The following MYH3 variants were observed in gnomAD, a reference collection of about 807,000 sequenced individuals.
MYH3 encodes myosin-3.
In MYH3, 130 loss-of-function variants were observed where a neutral mutation model predicts 238.0. That is an observed-to-expected ratio of 0.55 (90% CI 0.47 to 0.63). MYH3 has a LOEUF of 0.63. MYH3 is among the 30% of genes least tolerant of loss of function. The pLI, the probability that MYH3 is intolerant of heterozygous loss-of-function variation, is 0.00. For synonymous variants in MYH3, 880 were observed against 924.1 expected (o/e 0.95, Z 0.86); for missense variants, 1,853 against 2,374.9 (o/e 0.78, Z 4.57).
rs1379408472 is a variant in MYH3 at position 10,648,650 on chromosome 17, C to T, written c.643-1G>A. 1 of 1,611,660 alleles carries T rather than the reference C, an allele frequency of 6.2e-7. No individual in the cohort carries two copies. The highest frequency in any genetic ancestry group is 1.3e-5 in the African/African-American group (1 of 74,746). On this transcript the variant is annotated splice_acceptor_variant, in intron 7 of 40. Transcript: ENST00000583535. LOFTEE classifies it high-confidence loss of function. ...TGATGATTTGATCTTCCAGAGTCCC[C>T]TAATGCAAGAAATTGAGGGAAGAAG...
intron 3 of MYH3, among the ~76,000 whole-genome samples, chr17:10,653,406 C>G (rs1341814836): frequency 6.6e-6 from 1 of 152,144 alleles, no homozygotes; most frequent in African/African-American, 2.4e-5. Flanking sequence ...CTGTCCAGCC[C>G]CCGGCCCACC....
intron 26 of MYH3, 35 bp from the exon 27 acceptor site, chr17:10,638,467 G>T (rs766662721): frequency 5.0e-6 from 8 of 1,599,212 alleles, no homozygotes; most frequent in Non-Finnish European, 6.8e-6. Context: ...GTGGGCAGTG[G>T]GTTCACCGCG....
rs1488865407 is a variant in MYH3 at position 10,652,568 on chromosome 17, A to G, written c.205-5T>C. 5.0e-6 allele frequency: 8 copies of G among 1,606,404 alleles called. No homozygotes were observed. Among genetic ancestry groups the G allele is most frequent in the Non-Finnish European group, 6.8e-6 (8 of 1,175,618 alleles). On this transcript the variant is annotated splice_polypyrimidine_tract_variant and splice_region_variant and intron_variant, in intron 3 of 40. Transcript: ENST00000583535. Reference sequence around the variant, plus strand: ...CTCTGGTTTGACCACCAGGGTCTAAAAAGGAAGAGGCACAGTGCTTCACTA... The same window carrying G: ...CTCTGGTTTGACCACCAGGGTCTAAGAAGGAAGAGGCACAGTGCTTCACTA...
intron 31 of MYH3, 76 bp downstream of exon 31, chr17:10,634,764 T>TA (rs2074197259): frequency 1.9e-6 from 3 of 1,575,562 alleles, no homozygotes; most frequent in Non-Finnish European, 2.6e-6. Context: ...AGGTCCGGGA[T>TA]GCATTCTCCT....
rs752726538 is a variant in MYH3, at chr17:10,634,877, G to A, written c.4319C>T (p.Ala1440Val). 6.2e-7 allele frequency: 1 copy of A among 1,614,108 alleles called. No homozygotes were observed. Among genetic ancestry groups the A allele is most frequent in the Non-Finnish European group, 8.5e-7 (1 of 1,180,028 alleles). The change falls in exon 31 of 41, where the codon GCC becomes GTC. Residue 1440 changes from alanine (A) to valine (V), a missense_variant. By Grantham distance (64) the Ala-to-Val change is moderately conservative. This residue lies in a region of MYH3 where 1,044 missense variants were observed against 1,192.6 expected (regional missense o/e 0.88). Transcript: ENST00000583535. ...CCTCTGCTTCTTGTCCAGAGCGGCG[G>A]CCAAGGAATTGGCTCTTTCAACATC... ...MVDVERANSL[A>V]AALDKKQRNF...
rs192917379 is a variant in MYH3, at chr17:10,641,988, T to C, written c.1959+252A>G. 7.6e-4 allele frequency among the ~76,000 whole-genome samples: 116 copies of C among 152,302 alleles called. 1 individual carries two copies. The highest frequency in any genetic ancestry group is 2.4e-3 in the African/African-American group (99 of 41,578). On this transcript the variant is annotated intron_variant, in intron 17 of 40. Transcript: ENST00000583535. ...CTATTGCTGGTGTCCTTTAGGAAAA[T>C]TGGAGAGTTTATGCTGGAAACTCGG...
At chr17:10,657,083 G>A (rs1356105146) in intron 1 of MYH3, among the ~76,000 whole-genome samples, 2 of 152,152 alleles carry the variant, frequency 1.3e-5, no homozygotes, top group African/African-American at 4.8e-5. Flanking sequence ...CTTGGGGGAG[G>A]TGCTGGAGCC....
chr17:10,638,009 G>C lies in MYH3; in HGVS notation c.3729+34C>G, dbSNP rs145482862. 3.4e-4 allele frequency: 546 copies of C among 1,614,046 alleles called. 3 individuals are homozygous for C. The African/African-American group carries it at 6.1e-3, about 18-fold the overall frequency. On this transcript the variant is annotated intron_variant, in intron 27 of 40. Transcript: ENST00000583535. The stretch of plus-strand genomic sequence containing the variant: ...CAATGACCACGGAGTGTGTCTGATG[G>C]AAAGCCTTGAGCCACCCCCACCCCG...
chr17:10,669,114 G>C, the MYH3 span, among the ~76,000 whole-genome samples: 2 of 152,158 alleles, frequency 1.3e-5, no homozygotes, highest in Non-Finnish European at 2.9e-5. Context: ...GCTGTGGGAA[G>C]ACCTCATGTC....
At chr17:10,633,948 C>T in intron 32 of MYH3, 69 bp downstream of exon 32, 1 of 1,585,630 alleles carries the variant, frequency 6.3e-7, no homozygotes, top group African/African-American at 1.3e-5. Flanking sequence ...GAAGCCACAC[C>T]CACGCCAGCA....
chr17:10,671,370 C>T, the MYH3 span, among the ~76,000 whole-genome samples: 1 of 152,094 alleles, frequency 6.6e-6, no homozygotes, highest in African/African-American at 2.4e-5. Flanking sequence ...CAAATTGCTA[C>T]CCAGAAAGAC....
chr17:10,660,034 TGA>T (rs1435221435), upstream of MYH3, among the ~76,000 whole-genome samples: 2 of 152,232 alleles, frequency 1.3e-5, no homozygotes, highest in Admixed American at 6.5e-5. Flanking sequence ...AGCATGGAGC[TGA>T]GAGTCCTACA....
chr17:10,665,067 G>A, the MYH3 span, among the ~76,000 whole-genome samples: 1 of 152,118 alleles, frequency 6.6e-6, no homozygotes, highest in Admixed American at 6.5e-5. Flanking sequence ...AAATATAGAA[G>A]AAAGGTGGCC....
chr17:10,634,517 A>T lies in MYH3; in HGVS notation c.4356+323T>A, dbSNP rs542362006. Among the ~76,000 whole-genome samples, 3 of 152,030 alleles carry T rather than the reference A, an allele frequency of 2.0e-5. No homozygotes were observed. The East Asian group carries it at 5.8e-4, about 29-fold the overall frequency. On this transcript the variant is annotated intron_variant, in intron 31 of 40. Coordinates refer to ENST00000583535, the MANE Select transcript of MYH3 (RefSeq NM_002470.4). Reference sequence around the variant, plus strand: ...AATCAACTTTATCTGCCATCTTGAAAGAAGGGCTTCCAGAAAGCCTCCCAA... The same window carrying T: ...AATCAACTTTATCTGCCATCTTGAATGAAGGGCTTCCAGAAAGCCTCCCAA...
At position 10,630,320 on chromosome 17, in the gene MYH3, C is replaced by T. The variant is rs750520481; in HGVS notation, c.5425G>A (p.Gly1809Arg). 9.3e-6 allele frequency: 15 copies of T among 1,614,190 alleles called. No individual in the cohort carries two copies. The highest frequency in any genetic ancestry group is 1.6e-4 in the Middle Eastern group (1 of 6,062). Residue 1809 changes from glycine to arginine, a missense_variant, in exon 37 of 41, where the codon GGG (glycine) becomes AGG (arginine). Transcript: ENST00000583535. ...TCCAGTTTCTGGATCTGCTTCTTCCCGCCCTTCAGCGCCAGCTGCTCGGCC... is the reference window on the plus strand; with the variant it reads ...TCCAGTTTCTGGATCTGCTTCTTCCTGCCCTTCAGCGCCAGCTGCTCGGCC... ...DEAEQLALKG[G>R]KKQIQKLETR...
chr17:10,664,083 AAAG>A, the MYH3 span, among the ~76,000 whole-genome samples: 1 of 150,166 alleles, frequency 6.7e-6, no homozygotes, highest in African/African-American at 2.4e-5. Flanking sequence ...AAAAAAAAAA[AAAG>A]GTCTAGTATG....
chr17:10,641,053 C>A, intron 19 of MYH3, 32 bp downstream of exon 19: 2 of 1,478,710 alleles, frequency 1.4e-6, no homozygotes, highest in Non-Finnish European at 1.9e-6. Flanking sequence ...TACATCTCAT[C>A]CCCAAGCATA....
chr17:10,643,299 G>A (rs999908428), intron 14 of MYH3, among the ~76,000 whole-genome samples: 1 of 151,994 alleles, frequency 6.6e-6, no homozygotes, highest in Non-Finnish European at 1.5e-5. Flanking sequence ...TAGACTACAA[G>A]CTCATCTGTT....
chr17:10,651,747 G>GTTTTT, intron 4 of MYH3, 79 bp from the exon 5 acceptor site: 27 of 744,744 alleles, frequency 3.6e-5, no homozygotes, highest in South Asian at 2.4e-4. Context: ...TATTATTATT[G>GTTTTT]TTTTTTTTTT....
Sources: gnomAD v4.1 joint callset for allele counts (sites outside exome capture counted in the v4.1 genomes callset) on GRCh38, gnomAD v4.1.1 for gene constraint, gnomAD v4.1.1 regional missense constraint, MANE v1.5 for transcripts, NCBI Gene and HGNC (gene_info 2026-07-23, HGNC 2026-07-21) for gene names.